The following SYT16 variants were observed in gnomAD, a reference collection of about 807,000 sequenced individuals.
The protein encoded by SYT16 is synaptotagmin 16.
SYT16 carries 42 observed loss-of-function variants against 61.4 expected under a neutral mutation model. The observed-to-expected ratio is 0.68, with a 90% CI of 0.53 to 0.89. The LOEUF is 0.89. Ranked by LOEUF, SYT16 falls within the 40% of genes least tolerant of loss-of-function variation. The pLI, the probability that SYT16 is intolerant of heterozygous loss-of-function variation, is 0.00. For missense variants in SYT16, 804 were observed against 807.3 expected (o/e 1.00, Z 0.05); for synonymous variants, 314 against 302.3 (o/e 1.04, Z -0.40).
intron 2 of SYT16, among the ~76,000 whole-genome samples, chr14:61,972,921 G>T (rs2051621330): frequency 6.6e-6 from 1 of 152,078 alleles, no homozygotes; most frequent in Non-Finnish European, 1.5e-5. Context: ...ATTCTGTTTG[G>T]TTCTTAGGGT....
chr14:61,818,334 C>G (rs1315305768), intron 1 of SYT16, among the ~76,000 whole-genome samples: 1 of 152,136 alleles, frequency 6.6e-6, no homozygotes, highest in Non-Finnish European at 1.5e-5. Context: ...TGCATACTTC[C>G]CTCCTCATAA....
chr14:62,042,982 C>G (rs1447758147), intron 3 of SYT16, among the ~76,000 whole-genome samples: 1 of 152,086 alleles, frequency 6.6e-6, no homozygotes, highest in Non-Finnish European at 1.5e-5. Context: ...ATGCCCCCAT[C>G]TTTGCCTGTT....
chr14:61,945,739 C>A (rs1372671990), intron 1 of SYT16, among the ~76,000 whole-genome samples: 3 of 151,680 alleles, frequency 2.0e-5, no homozygotes, highest in African/African-American at 7.3e-5. Flanking sequence ...GCCTGTAGTC[C>A]CAGCTACGCG....
In SYT16 at chr14:62,108,985, A is replaced by G. The variant is rs2057558348; in HGVS notation, c.*8278A>G. 6.6e-6 allele frequency: 1 copy of G among 152,204 alleles called. No homozygotes were observed. The highest frequency in any genetic ancestry group is 2.4e-5 in the African/African-American group (1 of 41,450). The allele number at this position is 152,204 out of a possible 1,614,324, so 9.4% of individuals were successfully genotyped here. A position where few individuals can be genotyped will look rare whatever the true frequency, so the allele number is the denominator to read the frequency against. Reference sequence around the variant, plus strand: ...CTTCCCCGTGAACATTTTGAACACCACAGTGCTATATTTGTTACAACTGAT... The same window carrying G: ...CTTCCCCGTGAACATTTTGAACACCGCAGTGCTATATTTGTTACAACTGAT... On this transcript the variant is annotated 3_prime_UTR_variant, in exon 8 of 8. Coordinates refer to ENST00000683842, the MANE Select transcript of SYT16 (RefSeq NM_001367656.1).
At chr14:61,906,787 G>GTCCGTCCATCCATCCATCCA (rs375002498) in intron 1 of SYT16, among the ~76,000 whole-genome samples, 2,119 of 142,366 alleles carry the variant, frequency 0.015, 31 homozygotes, top group Non-Finnish European at 0.019. Flanking sequence ...CCGTCCGTCC[G>GTCCGTCCATCCATCCATCCA]TCCATCCATC....
intron 3 of SYT16, among the ~76,000 whole-genome samples, chr14:62,018,310 T>C (rs1315929745): frequency 2.3e-5 from 3 of 132,766 alleles, no homozygotes; most frequent in Non-Finnish European, 3.2e-5. Flanking sequence ...TTTTTTTTTT[T>C]TTTTTTTTTT....
chr14:62,000,435 A>T (rs1048860580), intron 3 of SYT16, among the ~76,000 whole-genome samples: 1 of 151,346 alleles, frequency 6.6e-6, no homozygotes, highest in Admixed American at 6.6e-5. Flanking sequence ...CATTCTTTAA[A>T]CCTATTTTAT....
At chr14:62,011,525 G>A (rs1269683380) in intron 3 of SYT16, among the ~76,000 whole-genome samples, 1 of 152,146 alleles carries the variant, frequency 6.6e-6, no homozygotes, top group African/African-American at 2.4e-5. Flanking sequence ...GTGATGTTCT[G>A]ATTGGCCAGG....
At chr14:61,910,292 G>A (rs1322055110) in intron 1 of SYT16, among the ~76,000 whole-genome samples, 2 of 152,052 alleles carry the variant, frequency 1.3e-5, no homozygotes, top group Non-Finnish European at 2.9e-5. Flanking sequence ...GGGCTAGAGT[G>A]CAATGGCATG....
rs1179977738 is a variant in SYT16 at position 62,069,687 on chromosome 14, C to G, written c.608C>G (p.Ser203Cys). Residue 203 changes from serine to cysteine, a missense_variant, in exon 4 of 8, where the codon TCC becomes TGC. Ser to Cys is a moderately radical substitution (Grantham distance 112, BLOSUM62 -1). Transcript: ENST00000683842. ...EVIKQFEISV[S>C]RSQSFRSVTS... ...ATCAAACAATTTGAGATTTCCGTGTCCCGGTCCCAGAGTTTCCGTTCAGTG... is the reference window on the plus strand; with the variant it reads ...ATCAAACAATTTGAGATTTCCGTGTGCCGGTCCCAGAGTTTCCGTTCAGTG... The G allele has an allele frequency of 2.5e-6, 4 of 1,613,964 alleles. No individual in the cohort carries two copies. Among genetic ancestry groups the G allele is most frequent in the Non-Finnish European group, 3.4e-6 (4 of 1,179,866 alleles).
chr14:61,892,800 C>A (rs1242899919), intron 1 of SYT16, among the ~76,000 whole-genome samples: 2 of 152,124 alleles, frequency 1.3e-5, no homozygotes, highest in Non-Finnish European at 2.9e-5. Context: ...AGATACCGGG[C>A]CGGCAAGAAA....
intron 1 of SYT16, among the ~76,000 whole-genome samples, chr14:61,856,219 T>C (rs2046769888): frequency 6.6e-6 from 1 of 152,190 alleles, no homozygotes; most frequent in Admixed American, 6.5e-5. Flanking sequence ...AACAGAATAA[T>C]GTTATCTAAC....
At chr14:61,884,381 A>G (rs1309949469) in intron 1 of SYT16, among the ~76,000 whole-genome samples, 2 of 152,216 alleles carry the variant, frequency 1.3e-5, no homozygotes, top group Non-Finnish European at 2.9e-5. Context: ...TAAGTTAATT[A>G]TTACGTCGCC....
chr14:61,820,491 T>TTC (rs1241324849), intron 1 of SYT16, among the ~76,000 whole-genome samples: 1 of 140,670 alleles, frequency 7.1e-6, no homozygotes, highest in African/African-American at 2.7e-5. Context: ...TTTTTTTTTT[T>TTC]TTTTTTTTGA....
At chr14:61,962,714 C>CTCTGA (rs2051164286) in intron 1 of SYT16, among the ~76,000 whole-genome samples, 3 of 151,946 alleles carry the variant, frequency 2.0e-5, no homozygotes, top group Non-Finnish European at 4.4e-5. Flanking sequence ...CTTTCTGTTC[C>CTCTGA]TCTGACTGGA....
chr14:62,086,552 C>T (rs1158023960), intron 7 of SYT16, among the ~76,000 whole-genome samples: 1 of 152,132 alleles, frequency 6.6e-6, no homozygotes, highest in Non-Finnish European at 1.5e-5. Context: ...ATCTCAGTTT[C>T]CTCATCTATA....
At chr14:61,964,292 G>A (rs537742514) in intron 1 of SYT16, among the ~76,000 whole-genome samples, 20 of 152,134 alleles carry the variant, frequency 1.3e-4, no homozygotes, top group Admixed American at 2.0e-4. Flanking sequence ...TGCTATTAAG[G>A]ACATTTATGA....
intron 1 of SYT16, among the ~76,000 whole-genome samples, chr14:61,879,910 T>A (rs1261866850): frequency 6.6e-6 from 1 of 152,214 alleles, no homozygotes; most frequent in African/African-American, 2.4e-5. Context: ...CACTGTCTTC[T>A]CTCGCCCCAG....
At position 62,101,622 on chromosome 14, in the gene SYT16, C is replaced by T. The variant is rs548329674; in HGVS notation, c.*915C>T. The T allele has an allele frequency of 1.8e-4, 27 of 152,174 alleles. No homozygotes were observed. Among genetic ancestry groups the T allele is most frequent in the African/African-American group, 5.5e-4 (23 of 41,462 alleles). The allele number at this position is 152,174 out of a possible 1,614,324, so 9.4% of individuals were successfully genotyped here. ...TTGAATGTACTGCATGTAAACCATG[C>T]TCTTTTTAAACTGAGTATTTTCCAT... On this transcript the variant is annotated 3_prime_UTR_variant, in exon 8 of 8. Coordinates refer to ENST00000683842, the MANE Select transcript of SYT16 (RefSeq NM_001367656.1).
Sources: gnomAD v4.1 joint callset for allele counts (sites outside exome capture counted in the v4.1 genomes callset) on GRCh38, gnomAD v4.1.1 for gene constraint, MANE v1.5 for transcripts, NCBI Gene and HGNC (gene_info 2026-07-23, HGNC 2026-07-21) for gene names.